Variants in KCNV1 observed in about 807,000 individuals in gnomAD.
KCNV1 encodes potassium voltage-gated channel modifier subfamily V member 1, also known as potassium voltage-gated channel subfamily V member 1.
KCNV1 carries 2 observed loss-of-function variants against 36.4 expected under a neutral mutation model. That is an observed-to-expected ratio of 0.05 (90% confidence interval 0.02 to 0.17). KCNV1 has a LOEUF of 0.17. Among genes scored for constraint, KCNV1 ranks in the 10% least tolerant of loss-of-function variants. The probability of loss-of-function intolerance (pLI) is 1.00; values close to 1 mark genes in which losing one functional copy is unlikely to be tolerated. For synonymous variants in KCNV1, 280 were observed against 261.1 expected, an observed-to-expected ratio of 1.07 and a Z score of -0.70; for missense variants, 321 against 643.6, an observed-to-expected ratio of 0.50 and a Z score of 5.42.
In KCNV1 at chr8:109,968,280, G is replaced by C; in HGVS notation, c.1311C>G (p.Thr437=). 1.2e-6 allele frequency: 2 copies of C among 1,614,132 alleles called. No individual in the cohort carries two copies. The highest frequency in any genetic ancestry group is 8.5e-7 in the Non-Finnish European group (1 of 1,180,024). The part of the protein sequence containing the change: ...INDRFSACYF[T]LKLKEAAVRQ... ...TAACAGCTGCTTCCTTGAGTTTCAAGGTGAAGTAGCAAGCAGAGAAGCGAT... is the reference window on the plus strand; with the variant it reads ...TAACAGCTGCTTCCTTGAGTTTCAACGTGAAGTAGCAAGCAGAGAAGCGAT... Residue 437 remains threonine, a synonymous_variant, in exon 4 of 4, where the codon ACC becomes ACG. Coordinates refer to ENST00000524391, the MANE Select transcript of KCNV1 (RefSeq NM_014379.4). The surrounding 1 kb of genome is among the most constrained non-coding windows in gnomAD (Gnocchi z 5.3).
chr8:109,969,251 G>A (rs1028570460), intron 3 of KCNV1, among the ~76,000 whole-genome samples: 2 of 152,170 alleles, frequency 1.3e-5, no homozygotes, highest in Non-Finnish European at 2.9e-5. Context: ...TCAGCAGTAT[G>A]TCAGGAGGAG....
At chr8:109,973,899 CG>C in intron 2 of KCNV1, 28 bp downstream of exon 2, 1 of 1,533,700 alleles carries the variant, frequency 6.5e-7, no homozygotes, top group Non-Finnish European at 8.8e-7. Flanking sequence ...CCCGCCTCCC[CG>C]CCCAGCCGCC....
chr8:109,964,742 G>C lies in KCNV1; in HGVS notation c.*3346C>G. 6.6e-6 allele frequency: 1 copy of C among 152,122 alleles called. No homozygotes were observed. The highest frequency in any genetic ancestry group is 1.9e-4 in the East Asian group (1 of 5,174). The allele number at this position is 152,122 out of a possible 1,614,324, so 9.4% of individuals were successfully genotyped here. ...TATCCTTAGCAAACTAATGCAGGAA[G>C]AGAAAACCAAATACCACATGTTCTC... On this transcript the variant is annotated 3_prime_UTR_variant, in exon 4 of 4. Transcript: ENST00000524391.
Position 109,966,534 on chromosome 8 carries a change from C to T in KCNV1, c.*1554G>A, listed in dbSNP as rs1345871018. On this transcript the variant is annotated 3_prime_UTR_variant, in exon 4 of 4. Coordinates refer to ENST00000524391, the MANE Select transcript of KCNV1 (RefSeq NM_014379.4). ...GCATACCAGAAAACAGGAGGTAGTA[C>T]ATGCGATATTTCATTGATTTTAAGG... is the stretch of plus-strand genomic sequence containing the variant. The T allele has an allele frequency of 2.6e-5, 4 of 152,168 alleles. No individual in the cohort carries two copies. The highest frequency in any genetic ancestry group is 6.6e-5 in the Admixed American group (1 of 15,262). 9.4% of individuals were successfully genotyped at this position (152,168 alleles called of 1,614,324 possible). A position where few individuals can be genotyped will look rare whatever the true frequency, so the allele number is the denominator to read the frequency against.
rs1820029548 is a variant in KCNV1 at position 109,972,912 on chromosome 8, AT to A, written c.462-126del. 1.5e-6 allele frequency: 1 copy of A among 688,860 alleles called. No individual in the cohort carries two copies. Among genetic ancestry groups the A allele is most frequent in the African/African-American group, 1.8e-5 (1 of 55,186 alleles). The allele number at this position is 688,860 out of a possible 1,614,324, so 42.7% of individuals were successfully genotyped here. A position where few individuals can be genotyped will look rare whatever the true frequency, so the allele number is the denominator to read the frequency against. ...AAAATGCAGAAAAATGTCTATTCAT[AT>A]TTTACTTAGGTTGTGTCTTACCCAC... On this transcript the variant is annotated intron_variant, in intron 2 of 3. Transcript: ENST00000524391. This position sits in a 1 kb window ranked among gnomAD's most constrained non-coding sequence, Gnocchi z 5.2.
rs1334653887 is a variant in KCNV1, at chr8:109,966,100, TATAAA to T, written c.*1983_*1987del. ...TAAATATTTGTTGAGTTAATAAATA[TATAAA>T]ATATGTATTTTGAAGAGTATAAGAA... On this transcript the variant is annotated 3_prime_UTR_variant, in exon 4 of 4. Transcript: ENST00000524391. The T allele has an allele frequency of 6.6e-6, 1 of 152,186 alleles. No individual in the cohort carries two copies. Among genetic ancestry groups the T allele is most frequent in the African/African-American group, 2.4e-5 (1 of 41,452 alleles). The allele number at this position is 152,186 out of a possible 1,614,324, so 9.4% of individuals were successfully genotyped here. A position where few individuals can be genotyped will look rare whatever the true frequency, so the allele number is the denominator to read the frequency against.
chr8:109,970,958 G>A (rs994141250), intron 3 of KCNV1, among the ~76,000 whole-genome samples: 1 of 152,110 alleles, frequency 6.6e-6, no homozygotes, highest in African/African-American at 2.4e-5. Context: ...TGTGAGACTA[G>A]CTAGGAAAAT....
Position 109,968,630 on chromosome 8 carries a change from G to A in KCNV1, c.992-31C>T. On this transcript the variant is annotated intron_variant, in intron 3 of 3. Transcript: ENST00000524391. The surrounding 1 kb of genome is among the most constrained non-coding windows in gnomAD (Gnocchi z 5.3). ...ACAGAACAAATGCTGTCAGTCATTG[G>A]CATCCCTCTTCTCTCTCTTCCTTCC... is the stretch of plus-strand genomic sequence containing the variant. 2 of 1,552,666 alleles carry A rather than the reference G, an allele frequency of 1.3e-6. No individual in the cohort carries two copies. Among genetic ancestry groups the A allele is most frequent in the South Asian group, 1.2e-5 (1 of 81,648 alleles).
In KCNV1 at chr8:109,968,912, G is replaced by C. The variant is rs962948341; in HGVS notation, c.992-313C>G. Among the ~76,000 whole-genome samples the C allele has an allele frequency of 2.0e-5, 3 of 152,196 alleles. No individual in the cohort carries two copies. Among genetic ancestry groups the C allele is most frequent in the Non-Finnish European group, 2.9e-5 (2 of 68,030 alleles). The stretch of plus-strand genomic sequence containing the variant: ...CGAGAGGTAAGACTGAAGGCAGGCA[G>C]GGGTGGTATGATAGGAGTTTTGTAC... On this transcript the variant is annotated intron_variant, in intron 3 of 3. Transcript: ENST00000524391. This position sits in a 1 kb window ranked among gnomAD's most constrained non-coding sequence, Gnocchi z 5.3.
rs944868492 is a variant in KCNV1, at chr8:109,965,052, C to T, written c.*3036G>A. The T allele has an allele frequency of 6.6e-6, 1 of 152,106 alleles. No individual in the cohort carries two copies. Among genetic ancestry groups the T allele is most frequent in the African/African-American group, 2.4e-5 (1 of 41,430 alleles). The allele number at this position is 152,106 out of a possible 1,614,324, so 9.4% of individuals were successfully genotyped here. A position where few individuals can be genotyped will look rare whatever the true frequency, so the allele number is the denominator to read the frequency against. On this transcript the variant is annotated 3_prime_UTR_variant, in exon 4 of 4. Coordinates refer to ENST00000524391, the MANE Select transcript of KCNV1 (RefSeq NM_014379.4). ...TGAAACCCCGTCTCTGCTAAAAATA[C>T]AAAAAATTAGCCAGGCGTGGTGGCG...
At position 109,967,558 on chromosome 8, in the gene KCNV1, C is replaced by A. The variant is rs1427334636; in HGVS notation, c.*530G>T. 1 of 153,572 alleles carries A rather than the reference C, an allele frequency of 6.5e-6. No homozygotes were observed. The highest frequency in any genetic ancestry group is 1.4e-5 in the Non-Finnish European group (1 of 68,986). The allele number at this position is 153,572 out of a possible 1,614,324, so 9.5% of individuals were successfully genotyped here. On this transcript the variant is annotated 3_prime_UTR_variant, in exon 4 of 4. Transcript: ENST00000524391. ...AAAGAAGATAGGGATATAATCTCTG[C>A]CCATCAAATATGGGTTTTCTCTTGT...
intron 3 of KCNV1, among the ~76,000 whole-genome samples, chr8:109,971,115 G>A (rs1443723484): frequency 1.3e-5 from 2 of 152,092 alleles, no homozygotes; most frequent in East Asian, 1.9e-4. Context: ...CATATCTAGG[G>A]AAATAAAATA....
Position 109,968,383 on chromosome 8 carries a change from G to T in KCNV1, c.1208C>A (p.Thr403Asn). Residue 403 changes from threonine to asparagine, a missense_variant, in exon 4 of 4, where the codon ACC (threonine) becomes AAC (asparagine). Coordinates refer to ENST00000524391, the MANE Select transcript of KCNV1 (RefSeq NM_014379.4). This position sits in a 1 kb window ranked among gnomAD's most constrained non-coding sequence, Gnocchi z 5.3. ...VGYGDIRPDT[T>N]TGKIVAFMCI... ...CATGAAGGCCACGATTTTGCCTGTG[G>T]TGGTGTCTGGTCTAATGTCCCCATA... is the stretch of plus-strand genomic sequence containing the variant. The T allele has an allele frequency of 1.2e-5, 19 of 1,614,192 alleles. No individual in the cohort carries two copies. The highest frequency in any genetic ancestry group is 1.5e-5 in the Non-Finnish European group (18 of 1,180,034).
rs971759557 is a variant in KCNV1 at position 109,964,718 on chromosome 8, A to T, written c.*3370T>A. The T allele has an allele frequency of 2.6e-5, 4 of 152,236 alleles. No individual in the cohort carries two copies. Among genetic ancestry groups the T allele is most frequent in the African/African-American group, 9.6e-5 (4 of 41,458 alleles). 9.4% of individuals were successfully genotyped at this position (152,236 alleles called of 1,614,324 possible). A position where few individuals can be genotyped will look rare whatever the true frequency, so the allele number is the denominator to read the frequency against. The stretch of plus-strand genomic sequence containing the variant: ...GACATGGATGGAGCTGGAGGCTATT[A>T]TCCTTAGCAAACTAATGCAGGAAGA... On this transcript the variant is annotated 3_prime_UTR_variant, in exon 4 of 4. Coordinates refer to ENST00000524391, the MANE Select transcript of KCNV1 (RefSeq NM_014379.4).
chr8:109,973,738 A>G (rs922936137), intron 2 of KCNV1, among the ~76,000 whole-genome samples, 190 bp downstream of exon 2: 3 of 152,186 alleles, frequency 2.0e-5, no homozygotes, highest in Non-Finnish European at 4.4e-5. Flanking sequence ...AAAAAGTTCT[A>G]TTCAAAAGTT....
Position 109,968,331 on chromosome 8 carries a change from C to T in KCNV1, c.1260G>A (p.Leu420=), listed in dbSNP as rs1819968481. The T allele has an allele frequency of 3.1e-6, 5 of 1,613,934 alleles. No homozygotes were observed. The Admixed American group carries it at 8.3e-5, about 27-fold the overall frequency. Residue 420 remains leucine, a synonymous_variant, in exon 4 of 4, where the codon TTG becomes TTA. Coordinates refer to ENST00000524391, the MANE Select transcript of KCNV1 (RefSeq NM_014379.4). This position sits in a 1 kb window ranked among gnomAD's most constrained non-coding sequence, Gnocchi z 5.3. ...CGTTAATAATAGCAATAGGCAAGGC[C>T]AAGACAAGAATTCCCGATAATATAC... The part of the protein sequence containing the change: ...FMCILSGILV[L]ALPIAIINDR...
rs1337113688 is a variant in KCNV1 at position 109,974,451 on chromosome 8, T to C, written c.-63A>G. 1 of 1,243,568 alleles carries C rather than the reference T, an allele frequency of 8.0e-7. No individual in the cohort carries two copies. The highest frequency in any genetic ancestry group is 2.6e-5 in the East Asian group (1 of 38,962). The allele number at this position is 1,243,568 out of a possible 1,614,324, so 77.0% of individuals were successfully genotyped here. On this transcript the variant is annotated 5_prime_UTR_variant, in exon 2 of 4. Transcript: ENST00000524391. This position sits in a 1 kb window ranked among gnomAD's most constrained non-coding sequence, Gnocchi z 6.2. ...GTTGGGGACACGCCGGAAGCTTTGGTCCCGCGAGGGCGGTGGCACGGCCCC... is the reference window on the plus strand; with the variant it reads ...GTTGGGGACACGCCGGAAGCTTTGGCCCCGCGAGGGCGGTGGCACGGCCCC...
rs576728615 is a variant in KCNV1 at position 109,969,453 on chromosome 8, G to A, written c.992-854C>T. On this transcript the variant is annotated intron_variant, in intron 3 of 3. Transcript: ENST00000524391. ...ATTTACTCTTTATGAAGCATTGGCT[G>A]CTTTTCCATTCCTAGATCTGAGGAT... is the stretch of plus-strand genomic sequence containing the variant. Among the ~76,000 whole-genome samples the A allele has an allele frequency of 4.7e-4, 72 of 152,284 alleles. 1 individual carries two copies. Among genetic ancestry groups the A allele is most frequent in the African/African-American group, 1.6e-3 (68 of 41,556 alleles).
Position 109,968,445 on chromosome 8 carries a change from T to C in KCNV1, c.1146A>G (p.Ala382=), listed in dbSNP as rs1819969744. The change falls in exon 4 of 4, where the codon GCA becomes GCG. Residue 382 remains alanine (A), a synonymous_variant. Transcript: ENST00000524391. This position sits in a 1 kb window ranked among gnomAD's most constrained non-coding sequence, Gnocchi z 5.3. ...TCATAGAGGTGGTGGCCCACCACCA[T>C]GCACAAGGGACACTTGTGAAGGTTG... ...PDTTFTSVPC[A]WWWATTSMTT... 1 of 1,613,916 alleles carries C rather than the reference T, an allele frequency of 6.2e-7. No homozygotes were observed. The highest frequency in any genetic ancestry group is 8.5e-7 in the Non-Finnish European group (1 of 1,179,910).
Sources: allele counts gnomAD v4.1 joint callset (sites outside exome capture counted in the v4.1 genomes callset), GRCh38; gene constraint gnomAD v4.1.1; non-coding constraint Gnocchi (gnomAD v3.1); transcripts MANE v1.5; gene names NCBI Gene and HGNC (gene_info 2026-07-23, HGNC 2026-07-21).